The following GABRG3 variants were observed in gnomAD, a reference collection of about 807,000 sequenced individuals.
GABRG3 encodes the protein gamma-aminobutyric acid type A receptor subunit gamma3.
GABRG3 carries 25 observed loss-of-function variants against 48.8 expected under a neutral mutation model. The observed-to-expected ratio is 0.51, with a 90% confidence interval of 0.37 to 0.72. GABRG3 has a LOEUF of 0.72. Among genes scored for constraint, GABRG3 ranks in the 30% least tolerant of loss-of-function variants. The pLI is 0.00. For missense variants in GABRG3, 394 were observed against 577.9 expected (o/e 0.68, Z 3.26); for synonymous variants, 227 against 217.6 (o/e 1.04, Z -0.38).
intron 2 of GABRG3, among the ~76,000 whole-genome samples, chr15:27,016,797 G>A (rs886471679): frequency 2.0e-5 from 3 of 151,234 alleles, no homozygotes; most frequent in African/African-American, 7.3e-5. Flanking sequence ...TCTTTTTTTT[G>A]TTTTTGCTTG....
chr15:27,440,281 T>C (rs186258270), intron 5 of GABRG3, among the ~76,000 whole-genome samples: 2 of 152,346 alleles, frequency 1.3e-5, no homozygotes, highest in East Asian at 1.9e-4. Flanking sequence ...TCCTGAGCCA[T>C]TGTGATCCTT....
At chr15:27,333,596 A>G (rs1277245055) in intron 5 of GABRG3, among the ~76,000 whole-genome samples, 6 of 152,088 alleles carry the variant, frequency 3.9e-5, no homozygotes, top group African/African-American at 1.4e-4. Flanking sequence ...TCACTTACTC[A>G]CATCTTTGAA....
intron 5 of GABRG3, among the ~76,000 whole-genome samples, chr15:27,379,724 A>C (rs1301428392): frequency 6.6e-6 from 1 of 152,206 alleles, no homozygotes; most frequent in African/African-American, 2.4e-5. Context: ...TTTCAACACT[A>C]TAAATATCTT....
Position 27,180,325 on chromosome 15 carries a change from A to G in GABRG3, c.271-146484A>G, listed in dbSNP as rs527340009. Among the ~76,000 whole-genome samples the G allele has an allele frequency of 6.7e-6, 1 of 150,266 alleles. No homozygotes were observed. The highest frequency in any genetic ancestry group is 2.1e-4 in the South Asian group (1 of 4,744). ...ACGGGCAAATGGCTTGAGTGAAAGG[A>G]AAAAAAAATGAGATTGAACAAGAAG... On this transcript the variant is annotated intron_variant, in intron 3 of 9. Coordinates refer to ENST00000615808, the MANE Select transcript of GABRG3 (RefSeq NM_033223.5). This position sits in a 1 kb window ranked among gnomAD's most constrained non-coding sequence, Gnocchi z 4.2.
intron 2 of GABRG3, among the ~76,000 whole-genome samples, chr15:27,020,616 A>G (rs548263976): frequency 4.0e-5 from 6 of 151,098 alleles, no homozygotes; most frequent in Admixed American, 2.0e-4. Flanking sequence ...ACGGGGTTTC[A>G]CTGTGTTAGC....
intron 5 of GABRG3, among the ~76,000 whole-genome samples, chr15:27,334,693 G>C (rs1893906892): frequency 6.8e-6 from 1 of 146,662 alleles, no homozygotes; most frequent in Non-Finnish European, 1.5e-5. Context: ...AGTTCGGTTG[G>C]ATGTCTATGG....
chr15:27,141,502 A>C (rs1232559866), intron 3 of GABRG3, among the ~76,000 whole-genome samples: 1 of 152,186 alleles, frequency 6.6e-6, no homozygotes, highest in African/African-American at 2.4e-5. Context: ...AGACTCCTTC[A>C]GGAGATGCAA....
chr15:27,390,022 CA>C (rs1348517757), intron 5 of GABRG3, among the ~76,000 whole-genome samples: 86 of 152,300 alleles, frequency 5.6e-4, no homozygotes, highest in African/African-American at 2.0e-3. Flanking sequence ...AGAATGTTTA[CA>C]AATATGGATG....
chr15:27,137,916 T>A (rs1898038053), intron 3 of GABRG3, among the ~76,000 whole-genome samples: 1 of 152,216 alleles, frequency 6.6e-6, no homozygotes, highest in South Asian at 2.1e-4. Flanking sequence ...CTCCAGGGGC[T>A]GTGACAAAGT....
At chr15:27,433,638 C>A (rs752600037) in intron 5 of GABRG3, among the ~76,000 whole-genome samples, 1 of 152,286 alleles carries the variant, frequency 6.6e-6, no homozygotes, top group African/African-American at 2.4e-5. Flanking sequence ...CCTAATTCAA[C>A]AGATGCCATG....
At chr15:27,509,829 C>G (rs1890855021) in intron 6 of GABRG3, among the ~76,000 whole-genome samples, 1 of 152,066 alleles carries the variant, frequency 6.6e-6, no homozygotes, top group Admixed American at 6.6e-5. Context: ...ATTTAAATAC[C>G]CTCTTTCCTA....
intron 2 of GABRG3, among the ~76,000 whole-genome samples, chr15:27,025,739 A>G (rs990351545): frequency 1.3e-5 from 2 of 152,252 alleles, no homozygotes; most frequent in Non-Finnish European, 2.9e-5. Flanking sequence ...TCAGTTCTTC[A>G]GCACAATTGA....
At chr15:27,418,041 C>A (rs1474281819) in intron 5 of GABRG3, among the ~76,000 whole-genome samples, 1 of 152,210 alleles carries the variant, frequency 6.6e-6, no homozygotes, top group Non-Finnish European at 1.5e-5. Flanking sequence ...GCCTGAGATG[C>A]TGTGGATTGG....
intron 3 of GABRG3, among the ~76,000 whole-genome samples, chr15:27,136,072 G>T (rs1160042198): frequency 6.6e-6 from 1 of 152,218 alleles, no homozygotes; most frequent in East Asian, 1.9e-4. Flanking sequence ...GGGTGGCAGG[G>T]AGTCCACAGC....
intron 3 of GABRG3, among the ~76,000 whole-genome samples, chr15:27,256,394 T>C (rs1343324335): frequency 1.4e-5 from 2 of 143,796 alleles, no homozygotes; most frequent in Non-Finnish European, 3.0e-5. Flanking sequence ...TGAGCCGAGA[T>C]GGCGCCACTG....
At chr15:27,371,712 A>C (rs1031930181) in intron 5 of GABRG3, among the ~76,000 whole-genome samples, 1 of 152,228 alleles carries the variant, frequency 6.6e-6, no homozygotes, top group African/African-American at 2.4e-5. Flanking sequence ...AGGATTAGAA[A>C]GGGGTGATCT....
At chr15:27,018,304 T>A (rs1895815761) in intron 2 of GABRG3, among the ~76,000 whole-genome samples, 1 of 152,204 alleles carries the variant, frequency 6.6e-6, no homozygotes, top group African/African-American at 2.4e-5. Flanking sequence ...GAAATTTAGA[T>A]CTGAGCTTTC....
At chr15:27,227,947 C>T (rs1014711392) in intron 3 of GABRG3, among the ~76,000 whole-genome samples, 3 of 152,028 alleles carry the variant, frequency 2.0e-5, no homozygotes, top group African/African-American at 7.2e-5. Context: ...TGTCTTAGTG[C>T]ATGTTTTAAA....
At chr15:27,328,041 T>C in intron 4 of GABRG3, among the ~76,000 whole-genome samples, 1 of 151,412 alleles carries the variant, frequency 6.6e-6, no homozygotes, top group East Asian at 1.9e-4. Context: ...ATAAGCAGAC[T>C]GTGAGACAGC....
Sources: allele counts gnomAD v4.1 joint callset (sites outside exome capture counted in the v4.1 genomes callset), GRCh38; gene constraint gnomAD v4.1.1; non-coding constraint Gnocchi (gnomAD v3.1); transcripts MANE v1.5; gene names NCBI Gene and HGNC (gene_info 2026-07-23, HGNC 2026-07-21).